The following BLM variants were observed in gnomAD, a reference collection of about 807,000 sequenced individuals.
BLM encodes the protein BLM RecQ like helicase.
BLM carries 95 observed loss-of-function variants against 135.3 expected under a neutral mutation model. The observed-to-expected ratio is 0.70, with a 90% CI of 0.59 to 0.83. The LOEUF (loss-of-function observed/expected upper bound fraction) is 0.83, where lower values mean the gene tolerates loss of function less well. Among genes scored for constraint, BLM ranks in the 40% least tolerant of loss-of-function variants. BLM has a pLI of 0.00. For missense variants in BLM, 1,518 were observed against 1,663.9 expected, an observed-to-expected ratio of 0.91 and a Z score of 1.53; for synonymous variants, 520 against 589.2, an observed-to-expected ratio of 0.88 and a Z score of 1.70.
rs1459105649 is a variant in BLM at position 90,762,952 on chromosome 15, G to A, written c.1883-14G>A. The A allele has an allele frequency of 6.2e-7, 1 of 1,610,170 alleles. No homozygotes were observed. Among genetic ancestry groups the A allele is most frequent in the Non-Finnish European group, 8.5e-7 (1 of 1,177,714 alleles). ...TCATGTACTGATTTTTCTTAACGTT[G>A]ATTATTTTCCTAGACAAGTCAGCAC... On this transcript the variant is annotated splice_polypyrimidine_tract_variant and intron_variant, in intron 7 of 21. Coordinates refer to ENST00000355112, the MANE Select transcript of BLM (RefSeq NM_000057.4).
At chr15:90,735,979 T>C (rs933525985) in intron 1 of BLM, among the ~76,000 whole-genome samples, 1 of 152,230 alleles carries the variant, frequency 6.6e-6, no homozygotes, top group Non-Finnish European at 1.5e-5. Context: ...TACAATTTTT[T>C]AAAAAGATTC....
intron 1 of BLM, among the ~76,000 whole-genome samples, chr15:90,720,309 A>G (rs7183308): frequency 0.092 from 14,029 of 152,194 alleles, 1,982 homozygotes; most frequent in African/African-American, 0.3. Context: ...ACAGAGAGTG[A>G]AAGTTCTTGG....
intron 12 of BLM, among the ~76,000 whole-genome samples, chr15:90,773,487 AC>A (rs1197119027): frequency 6.8e-6 from 1 of 146,716 alleles, no homozygotes; most frequent in Non-Finnish European, 1.5e-5. Flanking sequence ...CATAAAATTC[AC>A]CTAAAGTTGA....
intron 12 of BLM, among the ~76,000 whole-genome samples, chr15:90,778,463 G>A (rs1050537362): frequency 2.0e-5 from 3 of 152,158 alleles, no homozygotes; most frequent in African/African-American, 7.2e-5. Context: ...CATTGCCAGA[G>A]TTTTAGAACA....
At chr15:90,787,485 A>G (rs547472006) in intron 14 of BLM, among the ~76,000 whole-genome samples, 13 of 152,234 alleles carry the variant, frequency 8.5e-5, no homozygotes, top group Non-Finnish European at 1.9e-4. Context: ...AAAAGTATTT[A>G]CTTTGAAGAT....
intron 1 of BLM, among the ~76,000 whole-genome samples, chr15:90,725,498 C>CTT (rs1231870457): frequency 1.4e-5 from 2 of 142,180 alleles, no homozygotes; most frequent in Non-Finnish European, 1.5e-5. Flanking sequence ...TTTACAGTCC[C>CTT]TTTTTTTTTT....
At chr15:90,760,557 CTTATAT>C (rs1567040752) in intron 6 of BLM, 31 bp from the exon 7 acceptor site, 1 of 1,573,800 alleles carries the variant, frequency 6.4e-7, no homozygotes, top group Admixed American at 1.7e-5. Flanking sequence ...GAGTAAACTA[CTTATAT>C]TTAATACGTT....
chr15:90,780,912 C>T (rs1427937095), intron 12 of BLM, among the ~76,000 whole-genome samples: 1 of 152,182 alleles, frequency 6.6e-6, no homozygotes, highest in African/African-American at 2.4e-5. Flanking sequence ...ACATATACTA[C>T]ACCATTTTAT....
In BLM at chr15:90,815,506, AC is replaced by A. The variant is rs1337695492; in HGVS notation, c.*228del. 3.6e-6 allele frequency: 2 copies of A among 557,052 alleles called. No homozygotes were observed. Among genetic ancestry groups the A allele is most frequent in the African/African-American group, 3.8e-5 (2 of 53,154 alleles). 34.5% of individuals were successfully genotyped at this position (557,052 alleles called of 1,614,324 possible). A position where few individuals can be genotyped will look rare whatever the true frequency, so the allele number is the denominator to read the frequency against. ...AGTGTTGTGGCCGTTGTTTCTCAGA[AC>A]GTCTGAGGCAGCAGCTGAATCATCT... On this transcript the variant is annotated 3_prime_UTR_variant, in exon 22 of 22. Transcript: ENST00000355112. The surrounding 1 kb of genome is among the most constrained non-coding windows in gnomAD (Gnocchi z 4.6).
At chr15:90,750,897 T>C (rs1265975346) in intron 3 of BLM, among the ~76,000 whole-genome samples, 1 of 152,200 alleles carries the variant, frequency 6.6e-6, no homozygotes, top group Non-Finnish European at 1.5e-5. Context: ...CGGGGTCTTG[T>C]CACATATTTC....
intron 16 of BLM, among the ~76,000 whole-genome samples, chr15:90,796,246 A>G (rs940863941): frequency 1.3e-5 from 2 of 152,220 alleles, no homozygotes; most frequent in African/African-American, 4.8e-5. Context: ...ATTGAATTAC[A>G]TATTAAGATT....
At chr15:90,759,588 C>CCTTTCTTT (rs113032164) in intron 5 of BLM, among the ~76,000 whole-genome samples, 1 of 147,762 alleles carries the variant, frequency 6.8e-6, no homozygotes, top group East Asian at 2.0e-4. Context: ...AGCCAGACCC[C>CCTTTCTTT]CTTTCTTTCT....
intron 17 of BLM, among the ~76,000 whole-genome samples, chr15:90,799,626 TAAAA>T (rs10600094): frequency 0.011 from 1,243 of 108,666 alleles, 10 homozygotes; most frequent in African/African-American, 0.033. Flanking sequence ...AAGATGCCTG[TAAAA>T]AAAAAAAAAA....
chr15:90,750,344 C>G (rs1225345618), intron 3 of BLM, among the ~76,000 whole-genome samples: 1 of 152,110 alleles, frequency 6.6e-6, no homozygotes, highest in Non-Finnish European at 1.5e-5. Context: ...TTTGCATTCT[C>G]TGAGGTTTCA....
intron 5 of BLM, among the ~76,000 whole-genome samples, chr15:90,758,947 A>G (rs1402560055): frequency 6.6e-6 from 1 of 152,216 alleles, no homozygotes; most frequent in African/African-American, 2.4e-5. Flanking sequence ...AGGCAGATCA[A>G]AACAACAGGT....
intron 17 of BLM, among the ~76,000 whole-genome samples, chr15:90,801,774 G>C (rs925502978): frequency 6.6e-6 from 1 of 152,186 alleles, no homozygotes; most frequent in African/African-American, 2.4e-5. Flanking sequence ...AAACCTTTCT[G>C]TCTGGGTACA....
At chr15:90,721,383 G>A (rs931931296) in intron 1 of BLM, among the ~76,000 whole-genome samples, 9 of 152,032 alleles carry the variant, frequency 5.9e-5, no homozygotes. Flanking sequence ...CTGAAGTGCA[G>A]TGGCGTGATC....
intron 1 of BLM, among the ~76,000 whole-genome samples, chr15:90,742,539 A>T (rs937185024): frequency 6.6e-6 from 1 of 151,886 alleles, no homozygotes; most frequent in Non-Finnish European, 1.5e-5. Flanking sequence ...AGTGTCACTT[A>T]TTTCAAAGAA....
intron 1 of BLM, among the ~76,000 whole-genome samples, chr15:90,724,609 T>C (rs1001786415): frequency 2.6e-5 from 4 of 152,118 alleles, no homozygotes; most frequent in Non-Finnish European, 5.9e-5. Context: ...TGGTAAGTCC[T>C]CCACATTCAG....
Sources: allele counts gnomAD v4.1 joint callset (sites outside exome capture counted in the v4.1 genomes callset), GRCh38; gene constraint gnomAD v4.1.1; non-coding constraint Gnocchi (gnomAD v3.1); transcripts MANE v1.5; gene names NCBI Gene and HGNC (gene_info 2026-07-23, HGNC 2026-07-21).